Variants in GPHN observed in about 807,000 individuals in gnomAD.
GPHN encodes gephyrin.
Under a neutral mutation model 95.5 loss-of-function variants are expected in GPHN, and 17 were observed. The observed-to-expected ratio is 0.18, with a 90% CI of 0.12 to 0.27. The LOEUF (loss-of-function observed/expected upper bound fraction) is 0.27. Ranked by LOEUF, GPHN falls within the 10% of genes least tolerant of loss-of-function variation. GPHN has a pLI of 1.00. For synonymous variants in GPHN, 320 were observed against 322.5 expected (o/e 0.99, Z 0.08); for missense variants, 660 against 978.1 (o/e 0.67, Z 4.34).
the GPHN span, chr14:67,577,205 C>T: frequency 1.3e-6 from 1 of 794,466 alleles, no homozygotes; most frequent in African/African-American, 1.7e-5. Context: ...GAAGATAAAC[C>T]ACTATCTTCC....
At chr14:66,892,884 G>A (rs2064600370) in intron 5 of GPHN, among the ~76,000 whole-genome samples, 1 of 152,128 alleles carries the variant, frequency 6.6e-6, no homozygotes, top group South Asian at 2.1e-4. Context: ...AGTTAGAATG[G>A]TAAAGGTTAT....
At chr14:66,909,524 T>G (rs370048811) in intron 5 of GPHN, among the ~76,000 whole-genome samples, 1 of 152,028 alleles carries the variant, frequency 6.6e-6, no homozygotes, top group East Asian at 1.9e-4. Flanking sequence ...GTTAACTGAT[T>G]AACATGAATC....
intron 4 of GPHN, among the ~76,000 whole-genome samples, chr14:66,843,906 A>T (rs1269494396): frequency 6.6e-6 from 1 of 151,930 alleles, no homozygotes; most frequent in Non-Finnish European, 1.5e-5. Context: ...TTTCTTGTGT[A>T]TGGGATCTTT....
At chr14:67,168,256 C>CT (rs1808432385) in intron 20 of GPHN, among the ~76,000 whole-genome samples, 1 of 152,122 alleles carries the variant, frequency 6.6e-6, no homozygotes, top group Non-Finnish European at 1.5e-5. Context: ...GTCTCTTCCT[C>CT]TTTTTATAAG....
At chr14:66,747,949 C>T (rs1330949815) in intron 2 of GPHN, among the ~76,000 whole-genome samples, 3 of 151,994 alleles carry the variant, frequency 2.0e-5, no homozygotes, top group Admixed American at 6.6e-5. Flanking sequence ...CATATCTACT[C>T]CTATTTCTGT....
chr14:67,499,875 G>T, the GPHN span, among the ~76,000 whole-genome samples: 1 of 152,086 alleles, frequency 6.6e-6, no homozygotes, highest in African/African-American at 2.4e-5. Context: ...TTCAATTGAC[G>T]GGATAGCTTA....
chr14:66,711,269 A>G (rs544991171), intron 2 of GPHN, among the ~76,000 whole-genome samples: 102 of 152,256 alleles, frequency 6.7e-4, no homozygotes, highest in African/African-American at 2.3e-3. Flanking sequence ...TAGACCCCAC[A>G]TATCAGTGAG....
Position 67,113,156 on chromosome 14 carries a change from G to A in GPHN, c.1611G>A (p.Met537Ile). The change falls in exon 16 of 23, where the codon ATG becomes ATA. Residue 537 changes from methionine to isoleucine, a missense_variant. By Grantham distance (10) the Met-to-Ile change is conservative (BLOSUM62 1). Transcript: ENST00000478722. ...EVNKFPVVAV[M>I]STGNELLNPE... ...ATAAGTTTCCAGTGGTTGCAGTCAT[G>A]TCAACAGGGAATGAGGTATTAAAAA... 6.2e-7 allele frequency: 1 copy of A among 1,613,822 alleles called. No individual in the cohort carries two copies. The highest frequency in any genetic ancestry group is 8.5e-7 in the Non-Finnish European group (1 of 1,179,696).
intron 2 of GPHN, among the ~76,000 whole-genome samples, chr14:66,762,878 T>TA (rs2153453803): frequency 6.6e-6 from 1 of 152,344 alleles, no homozygotes; most frequent in South Asian, 2.1e-4. Context: ...TTACCAGTGT[T>TA]AAACAGGGGA....
the GPHN span, among the ~76,000 whole-genome samples, chr14:67,324,318 TGAC>T: frequency 1.3e-5 from 2 of 152,194 alleles, no homozygotes; most frequent in African/African-American, 4.8e-5. Context: ...CATTAATAAT[TGAC>T]TGATAACATG....
intron 11 of GPHN, among the ~76,000 whole-genome samples, chr14:67,070,253 A>G (rs556612470): frequency 1.3e-5 from 2 of 150,778 alleles, no homozygotes; most frequent in South Asian, 2.1e-4. Flanking sequence ...TAATCCCTCA[A>G]TATATTTTTG....
chr14:67,508,135 C>CAAAAA, the GPHN span, among the ~76,000 whole-genome samples: 9 of 130,616 alleles, frequency 6.9e-5, no homozygotes, highest in Admixed American at 1.5e-4. Flanking sequence ...AACTCCATCT[C>CAAAAA]AAAAAAAAAA....
the GPHN span, among the ~76,000 whole-genome samples, chr14:67,210,651 T>A: frequency 6.6e-6 from 1 of 151,992 alleles, no homozygotes; most frequent in Admixed American, 6.6e-5. Context: ...TGATTACACA[T>A]ATAATTGTAA....
At chr14:67,566,544 A>G in the GPHN span, among the ~76,000 whole-genome samples, 1 of 151,482 alleles carries the variant, frequency 6.6e-6, no homozygotes, top group South Asian at 2.1e-4. Context: ...CAGAAGTTCA[A>G]GACCAACCTG....
At chr14:67,283,515 GTTGA>G in the GPHN span, among the ~76,000 whole-genome samples, 1 of 152,184 alleles carries the variant, frequency 6.6e-6, no homozygotes, top group African/African-American at 2.4e-5. Context: ...CTTCTGAGAA[GTTGA>G]TTATTTTTAC....
At chr14:67,219,134 T>G in the GPHN span, among the ~76,000 whole-genome samples, 1 of 152,112 alleles carries the variant, frequency 6.6e-6, no homozygotes, top group Non-Finnish European at 1.5e-5. Flanking sequence ...CTTGTGCTCT[T>G]AACCTGGGGC....
At chr14:67,463,148 G>T in the GPHN span, among the ~76,000 whole-genome samples, 5 of 152,244 alleles carry the variant, frequency 3.3e-5, no homozygotes, top group East Asian at 9.6e-4. Context: ...ACTGGACATG[G>T]TGGCTCACAC....
At chr14:67,392,571 C>T in the GPHN span, 2 of 1,298,450 alleles carry the variant, frequency 1.5e-6, no homozygotes, top group Non-Finnish European at 2.2e-6. Context: ...CCCAAGGTCT[C>T]CTCCCATGAC....
chr14:67,475,053 C>T, the GPHN span, among the ~76,000 whole-genome samples: 2 of 151,592 alleles, frequency 1.3e-5, no homozygotes, highest in Admixed American at 6.6e-5. Flanking sequence ...GTAGCTGGGA[C>T]TACAGGCACA....
Sources: gnomAD v4.1 joint callset for allele counts (sites outside exome capture counted in the v4.1 genomes callset) on GRCh38, gnomAD v4.1.1 for gene constraint, MANE v1.5 for transcripts, NCBI Gene and HGNC (gene_info 2026-07-23, HGNC 2026-07-21) for gene names.